The following PRTG variants were observed in gnomAD, a reference collection of about 807,000 sequenced individuals.
PRTG encodes protogenin, also known as immunoglobulin superfamily, DCC subclass, member 5.
PRTG carries 67 observed loss-of-function variants against 122.5 expected under a neutral mutation model. The observed-to-expected ratio is 0.55, with a 90% CI of 0.45 to 0.67. The LOEUF is 0.67. PRTG is among the 30% of genes least tolerant of loss of function. The pLI is 0.00. For synonymous variants in PRTG, 554 were observed against 501.1 expected (o/e 1.11, Z -1.41); for missense variants, 1,435 against 1,415.4 (o/e 1.01, Z -0.22).
chr15:55,708,122 G>A (rs1279434081), intron 2 of PRTG, among the ~76,000 whole-genome samples: 1 of 125,672 alleles, frequency 8.0e-6, no homozygotes, highest in Admixed American at 9.8e-5. Context: ...GTCTGTGCAC[G>A]CCTGTGGAAA....
chr15:55,719,182 T>C (rs553892521), intron 2 of PRTG, among the ~76,000 whole-genome samples: 1 of 152,332 alleles, frequency 6.6e-6, no homozygotes, highest in African/African-American at 2.4e-5. Flanking sequence ...TACCAAAAAC[T>C]GGAGTTGGGA....
chr15:55,727,950 C>G (rs999062184), intron 2 of PRTG, among the ~76,000 whole-genome samples: 2 of 152,060 alleles, frequency 1.3e-5, no homozygotes, highest in Non-Finnish European at 2.9e-5. Flanking sequence ...CTATAACTTC[C>G]GCCTCCCAGG....
chr15:55,655,756 A>G (rs1189874639), intron 11 of PRTG: 1 of 152,270 alleles, frequency 6.6e-6, no homozygotes, highest in Non-Finnish European at 1.5e-5. Flanking sequence ...GACTGATACA[A>G]CTTTTAAATA....
chr15:55,639,530 C>T (rs1369110482), intron 13 of PRTG, 112 bp downstream of exon 13: 3 of 834,958 alleles, frequency 3.6e-6, no homozygotes, highest in East Asian at 2.5e-5. Context: ...AGTCCTGAAA[C>T]AAATGCTTAC....
At chr15:55,681,588 G>A (rs1373830140) in intron 4 of PRTG, 1 of 151,950 alleles carries the variant, frequency 6.6e-6, no homozygotes, top group Admixed American at 6.6e-5. Context: ...TAAGATTGAG[G>A]ATATTTTTTA....
At chr15:55,645,252 G>A (rs921746758) in intron 11 of PRTG, among the ~76,000 whole-genome samples, 12 of 150,032 alleles carry the variant, frequency 8.0e-5, no homozygotes, top group Admixed American at 1.3e-4. Context: ...TGGCTAACAC[G>A]GTGAAACCCC....
chr15:55,664,262 C>T (rs1010709840), intron 11 of PRTG, among the ~76,000 whole-genome samples: 2 of 152,142 alleles, frequency 1.3e-5, no homozygotes, highest in African/African-American at 2.4e-5. Context: ...CTGCCCCAGC[C>T]TTCCATATAG....
intron 11 of PRTG, among the ~76,000 whole-genome samples, chr15:55,646,269 C>T (rs1460680794): frequency 6.6e-6 from 1 of 151,134 alleles, no homozygotes; most frequent in East Asian, 2.0e-4. Context: ...GCCTTGGCCT[C>T]CCAAAGTGCC....
intron 11 of PRTG, among the ~76,000 whole-genome samples, chr15:55,652,564 AGGCCAGCGGTAC>A (rs1003379471): frequency 7.2e-5 from 11 of 152,106 alleles, no homozygotes; most frequent in African/African-American, 2.2e-4. Context: ...TTCAGAGAAG[AGGCCAGCGGTAC>A]GGCCTGCTCT....
In PRTG at chr15:55,680,046, G is replaced by GA. The variant is rs750774296; in HGVS notation, c.973+7dup. ...GATTCCCCTGATTGCAGAATGAAAG[G>GA]AACATACCTAATACAGTTAAAGTTG... On this transcript the variant is annotated splice_region_variant and intron_variant, in intron 6 of 19. Coordinates refer to ENST00000389286, the MANE Select transcript of PRTG (RefSeq NM_173814.6). 17 of 1,610,410 alleles carry GA rather than the reference G, an allele frequency of 1.1e-5. No homozygotes were observed. Among genetic ancestry groups the GA allele is most frequent in the Non-Finnish European group, 1.4e-5 (17 of 1,177,736 alleles).
chr15:55,637,905 T>A (rs1567078000), intron 14 of PRTG, among the ~76,000 whole-genome samples: 3 of 152,216 alleles, frequency 2.0e-5, no homozygotes, highest in African/African-American at 7.2e-5. Context: ...TGTGAAGAGC[T>A]GGTTTTTAAC....
chr15:55,620,425 C>T (rs2059159882), intron 19 of PRTG, among the ~76,000 whole-genome samples, 159 bp from the exon 20 acceptor site: 1 of 152,160 alleles, frequency 6.6e-6, no homozygotes, highest in Admixed American at 6.5e-5. Context: ...CACGCTCCTG[C>T]TCCTATCCCT....
At chr15:55,663,499 A>G (rs1447115395) in intron 11 of PRTG, among the ~76,000 whole-genome samples, 1 of 151,462 alleles carries the variant, frequency 6.6e-6, no homozygotes, top group Admixed American at 6.6e-5. Context: ...CCCCATCTCT[A>G]GTCATGGCAA....
chr15:55,742,733 C>A lies in PRTG; in HGVS notation c.94+105G>T. ...CGGGGGTCAGCGCCACCACGGAGGA[C>A]CCCGCCGCGCGCTCCCCACGCCCCA... On this transcript the variant is annotated intron_variant, in intron 1 of 19. Transcript: ENST00000389286. 2.1e-6 allele frequency: 3 copies of A among 1,401,318 alleles called. No individual in the cohort carries two copies. The South Asian group carries it at 3.8e-5, about 18-fold the overall frequency. The allele number at this position is 1,401,318 out of a possible 1,614,324, so 86.8% of individuals were successfully genotyped here. A position where few individuals can be genotyped will look rare whatever the true frequency, so the allele number is the denominator to read the frequency against.
chr15:55,708,798 A>G (rs1045425352), intron 2 of PRTG, among the ~76,000 whole-genome samples: 1 of 151,980 alleles, frequency 6.6e-6, no homozygotes, highest in Non-Finnish European at 1.5e-5. Flanking sequence ...GCTGTGATAT[A>G]CTTTTTTTTA....
At chr15:55,706,571 C>A (rs1481581234) in intron 2 of PRTG, among the ~76,000 whole-genome samples, 1 of 110,350 alleles carries the variant, frequency 9.1e-6, no homozygotes, top group Non-Finnish European at 1.8e-5. Flanking sequence ...AGAGTGAGAC[C>A]TTGTCTCTAC....
chr15:55,641,193 T>C lies in PRTG; in HGVS notation c.2057A>G (p.Tyr686Cys), dbSNP rs759215745. ...TLSGLDPRRK[Y>C]HVRLLAYNNI... is the part of the protein sequence containing the mutation. ...GTTGTAAGCCAGGAGTCTCACATGA[T>C]ATTTTCTTCTGGGGTCTATAAAGAA... The change falls in exon 12 of 20, where the codon TAT becomes TGT. Residue 686 changes from tyrosine to cysteine, a missense_variant. Coordinates refer to ENST00000389286, the MANE Select transcript of PRTG (RefSeq NM_173814.6). 45 of 1,612,904 alleles carry C rather than the reference T, an allele frequency of 2.8e-5. No homozygotes were observed. The Admixed American group carries it at 7.5e-4, about 27-fold the overall frequency.
intron 11 of PRTG, among the ~76,000 whole-genome samples, chr15:55,663,519 C>G (rs757575431): frequency 1.3e-5 from 2 of 151,642 alleles, no homozygotes; most frequent in African/African-American, 2.4e-5. Context: ...ATCACTGATA[C>G]GTTTTCCATC....
intron 11 of PRTG, among the ~76,000 whole-genome samples, chr15:55,665,043 G>A (rs1320996161): frequency 6.6e-6 from 1 of 151,932 alleles, no homozygotes; most frequent in African/African-American, 2.4e-5. Flanking sequence ...TGGATCACGA[G>A]GTCAGGAGAT....
Sources: gnomAD v4.1 joint callset for allele counts (sites outside exome capture counted in the v4.1 genomes callset) on GRCh38, gnomAD v4.1.1 for gene constraint, MANE v1.5 for transcripts, NCBI Gene and HGNC (gene_info 2026-07-23, HGNC 2026-07-21) for gene names.